Variants in MARCHF1 observed in about 807,000 individuals in gnomAD.
MARCHF1 encodes E3 ubiquitin-protein ligase MARCHF1.
MARCHF1 carries 40 observed loss-of-function variants against 54.2 expected under a neutral mutation model. The ratio of observed to expected loss-of-function variants is 0.74; its 90% CI spans 0.57 to 0.96. The LOEUF (loss-of-function observed/expected upper bound fraction) is 0.96, where lower values mean the gene tolerates loss of function less well. MARCHF1 is among the 40% of genes least tolerant of loss of function. The pLI is 0.00. For missense variants in MARCHF1, 586 were observed against 656.5 expected (o/e 0.89, Z 1.17); for synonymous variants, 236 against 236.3 (o/e 1.00, Z 0.01).
At position 163,813,651 on chromosome 4, in the gene MARCHF1, C is replaced by T. The variant is rs149268486; in HGVS notation, c.111+40370G>A. Among the ~76,000 whole-genome samples, 468 of 152,262 alleles carry T rather than the reference C, an allele frequency of 3.1e-3. 3 individuals carry two copies. Among genetic ancestry groups the T allele is most frequent in the African/African-American group, 0.011 (444 of 41,552 alleles). ...ATACAAGATCCTAAATATTAAGCAGCATCTGTCAAAAATAAAACTATAAAG... is the reference window on the plus strand; with the variant it reads ...ATACAAGATCCTAAATATTAAGCAGTATCTGTCAAAAATAAAACTATAAAG... On this transcript the variant is annotated intron_variant, in intron 4 of 9. Coordinates refer to ENST00000514618, the MANE Select transcript of MARCHF1 (RefSeq NM_001394959.1).
chr4:164,323,935 C>T (rs1352421704), intron 1 of MARCHF1, among the ~76,000 whole-genome samples: 1 of 151,670 alleles, frequency 6.6e-6, no homozygotes, highest in East Asian at 1.9e-4. Flanking sequence ...AAATATTCAA[C>T]AATGTAAAAG....
intron 7 of MARCHF1, among the ~76,000 whole-genome samples, chr4:163,595,782 G>C (rs943455387): frequency 4.6e-5 from 7 of 152,014 alleles, no homozygotes; most frequent in African/African-American, 1.5e-4. Context: ...TATTCAGTGG[G>C]AGTAATTTTT....
At chr4:164,061,676 TATA>T (rs888032412) in intron 2 of MARCHF1, among the ~76,000 whole-genome samples, 21 of 150,910 alleles carry the variant, frequency 1.4e-4, no homozygotes, top group African/African-American at 2.9e-4. Flanking sequence ...AAACTTAAAG[TATA>T]ATAATAATAA....
At chr4:163,549,737 CTA>C (rs1367025404) in intron 8 of MARCHF1, among the ~76,000 whole-genome samples, 4 of 150,366 alleles carry the variant, frequency 2.7e-5, no homozygotes, top group African/African-American at 9.8e-5. Context: ...CAACAGAACT[CTA>C]TTATTCACTT....
At chr4:163,634,150 A>C (rs1742219924) in intron 5 of MARCHF1, among the ~76,000 whole-genome samples, 1 of 152,314 alleles carries the variant, frequency 6.6e-6, no homozygotes, top group South Asian at 2.1e-4. Context: ...TCATGCCAAA[A>C]TGTAAAGACC....
intron 4 of MARCHF1, among the ~76,000 whole-genome samples, chr4:163,730,587 C>T (rs1164088762): frequency 1.3e-5 from 2 of 151,956 alleles, no homozygotes; most frequent in Non-Finnish European, 2.9e-5. Flanking sequence ...TTTTATTATA[C>T]TTTAAGTTCT....
chr4:163,683,424 G>A (rs1439160545), intron 5 of MARCHF1, among the ~76,000 whole-genome samples: 1 of 152,098 alleles, frequency 6.6e-6, no homozygotes, highest in Non-Finnish European at 1.5e-5. Flanking sequence ...CACAACATGT[G>A]GGAATTCAAG....
At chr4:163,814,978 AAAATG>A (rs1234715502) in intron 4 of MARCHF1, among the ~76,000 whole-genome samples, 1 of 152,198 alleles carries the variant, frequency 6.6e-6, no homozygotes, top group African/African-American at 2.4e-5. Context: ...CATTACTTAA[AAAATG>A]AAATGAAAAG....
At chr4:163,657,874 C>T (rs865994013) in intron 5 of MARCHF1, among the ~76,000 whole-genome samples, 2 of 151,748 alleles carry the variant, frequency 1.3e-5, no homozygotes, top group Admixed American at 1.3e-4. Context: ...AAAATTGAAC[C>T]CTGGACCCCT....
chr4:163,619,225 T>A (rs150636295), intron 5 of MARCHF1, among the ~76,000 whole-genome samples: 2 of 152,252 alleles, frequency 1.3e-5, no homozygotes, highest in African/African-American at 4.8e-5. Flanking sequence ...ATAGAACTTA[T>A]TAAATCTGGG....
chr4:164,379,060 T>C (rs1731284646), intron 1 of MARCHF1, among the ~76,000 whole-genome samples: 1 of 152,140 alleles, frequency 6.6e-6, no homozygotes, highest in African/African-American at 2.4e-5. Context: ...AGAGTAAAGA[T>C]ATGCTGAAAA....
At chr4:163,905,844 C>A (rs1276001217) in intron 3 of MARCHF1, among the ~76,000 whole-genome samples, 1 of 152,010 alleles carries the variant, frequency 6.6e-6, no homozygotes, top group Non-Finnish European at 1.5e-5. Flanking sequence ...GCTGAATGTA[C>A]TTCTCCCACT....
At chr4:163,575,841 C>T (rs190859633) in intron 8 of MARCHF1, among the ~76,000 whole-genome samples, 81 of 152,006 alleles carry the variant, frequency 5.3e-4, no homozygotes, top group Non-Finnish European at 8.4e-4. Flanking sequence ...ACAGAGGTGT[C>T]CATAATAGTC....
At chr4:163,589,380 C>T (rs1362650912) in intron 7 of MARCHF1, among the ~76,000 whole-genome samples, 1 of 151,936 alleles carries the variant, frequency 6.6e-6, no homozygotes, top group Non-Finnish European at 1.5e-5. Context: ...AGGTTATTTC[C>T]CATAGGGAAA....
chr4:163,884,353 G>C (rs1030871534), intron 3 of MARCHF1, among the ~76,000 whole-genome samples: 6 of 152,044 alleles, frequency 3.9e-5, no homozygotes, highest in Non-Finnish European at 5.9e-5. Flanking sequence ...AATATGAGCT[G>C]TTTCCTTTTT....
intron 1 of MARCHF1, among the ~76,000 whole-genome samples, chr4:164,294,689 T>C (rs1734368237): frequency 1.3e-5 from 2 of 152,222 alleles, no homozygotes; most frequent in African/African-American, 4.8e-5. Flanking sequence ...ATTTAATGTT[T>C]ATTGAACTTT....
At chr4:164,102,072 TA>T (rs1016575666) in intron 2 of MARCHF1, among the ~76,000 whole-genome samples, 1 of 98,304 alleles carries the variant, frequency 1.0e-5, no homozygotes, top group African/African-American at 4.0e-5. Context: ...GAAAAAAGAA[TA>T]AAAAGAAATG....
intron 7 of MARCHF1, among the ~76,000 whole-genome samples, chr4:163,588,871 C>T (rs1285608845): frequency 6.6e-6 from 1 of 151,990 alleles, no homozygotes; most frequent in Non-Finnish European, 1.5e-5. Flanking sequence ...TTAAAGCACA[C>T]ACGTGATTCT....
intron 4 of MARCHF1, among the ~76,000 whole-genome samples, chr4:163,843,992 CTT>C (rs1749415818): frequency 6.6e-6 from 1 of 151,604 alleles, no homozygotes; most frequent in Non-Finnish European, 1.5e-5. Flanking sequence ...TTTTAAAAAA[CTT>C]TTAACTTCAG....
Sources: gnomAD v4.1 joint callset for allele counts (sites outside exome capture counted in the v4.1 genomes callset) on GRCh38, gnomAD v4.1.1 for gene constraint, MANE v1.5 for transcripts, NCBI Gene and HGNC (gene_info 2026-07-23, HGNC 2026-07-21) for gene names.